The following KNTC1 variants were observed in gnomAD, a reference collection of about 807,000 sequenced individuals.
KNTC1 encodes the protein kinetochore-associated protein 1.
In KNTC1, 253 loss-of-function variants were observed where a neutral mutation model predicts 314.4. That is an observed-to-expected ratio of 0.80 (90% CI 0.73 to 0.89). The LOEUF (loss-of-function observed/expected upper bound fraction) is 0.89, where lower values mean the gene tolerates loss of function less well. KNTC1 is among the 40% of genes least tolerant of loss of function. The probability of loss-of-function intolerance (pLI) is 0.00; values close to 1 mark genes in which losing one functional copy is unlikely to be tolerated. For missense variants in KNTC1, 2,475 were observed against 2,572.9 expected (o/e 0.96, Z 0.82); for synonymous variants, 901 against 901.4 (o/e 1.00, Z 0.01).
At chr12:122,597,379 G>A (rs1295253317) in intron 43 of KNTC1, 1 of 260,206 alleles carries the variant, frequency 3.8e-6, no homozygotes, top group Admixed American at 5.0e-5. Context: ...TTCCCGAGTA[G>A]CTGGGACTAC....
intron 13 of KNTC1, 131 bp downstream of exon 13, chr12:122,549,995 T>C: frequency 7.1e-6 from 4 of 564,172 alleles, no homozygotes; most frequent in Non-Finnish European, 1.3e-5. Flanking sequence ...CTGGATAAAT[T>C]TCAGGTTTAT....
chr12:122,617,818 C>T (rs1443206008), intron 57 of KNTC1, among the ~76,000 whole-genome samples: 3 of 152,184 alleles, frequency 2.0e-5, no homozygotes, highest in Non-Finnish European at 4.4e-5. Flanking sequence ...CATTTAACAG[C>T]GGCCTCTAGA....
At chr12:122,590,240 T>C (rs1320798081) in intron 40 of KNTC1, among the ~76,000 whole-genome samples, 2 of 152,092 alleles carry the variant, frequency 1.3e-5, no homozygotes, top group Non-Finnish European at 2.9e-5. Context: ...TTTGTATATA[T>C]TTTTTGTATT....
At chr12:122,595,296 G>A (rs565966882) in intron 43 of KNTC1, among the ~76,000 whole-genome samples, 10 of 152,304 alleles carry the variant, frequency 6.6e-5, no homozygotes, top group African/African-American at 1.4e-4. Context: ...ACAAGGACTC[G>A]TTTTCTGGTT....
At chr12:122,597,341 C>T (rs531968253) in intron 43 of KNTC1, 10 of 212,860 alleles carry the variant, frequency 4.7e-5, no homozygotes, top group African/African-American at 9.4e-5. Context: ...CTCCACCTCC[C>T]GGGTTCAAGC....
At chr12:122,582,331 T>C (rs1395679722) in intron 33 of KNTC1, among the ~76,000 whole-genome samples, 1 of 152,082 alleles carries the variant, frequency 6.6e-6, no homozygotes, top group East Asian at 1.9e-4. Flanking sequence ...AGCAAGAAGA[T>C]GGTGTGAGAC....
chr12:122,539,769 A>T lies in KNTC1; in HGVS notation c.445+15A>T. ...TTCAAATGAAGGTAAGTTTTCCTGAATTTTTTTTTGAATGACTTTTTTTTT... is the reference window on the plus strand; with the variant it reads ...TTCAAATGAAGGTAAGTTTTCCTGATTTTTTTTTTGAATGACTTTTTTTTT... On this transcript the variant is annotated intron_variant, in intron 5 of 63. Transcript: ENST00000333479. 1 of 1,418,910 alleles carries T rather than the reference A, an allele frequency of 7.0e-7. No individual in the cohort carries two copies. Among genetic ancestry groups the T allele is most frequent in the Non-Finnish European group, 9.4e-7 (1 of 1,061,030 alleles). The allele number at this position is 1,418,910 out of a possible 1,614,324, so 87.9% of individuals were successfully genotyped here.
At chr12:122,605,492 C>A in intron 51 of KNTC1, 77 bp downstream of exon 51, 1 of 692,090 alleles carries the variant, frequency 1.4e-6, no homozygotes. Flanking sequence ...AATATTTATC[C>A]CACATGATAC....
At chr12:122,562,767 T>C in intron 20 of KNTC1, 68 bp downstream of exon 20, 1 of 942,004 alleles carries the variant, frequency 1.1e-6, no homozygotes. Flanking sequence ...CCCAGCACTT[T>C]GGGAGGCTGA....
intron 11 of KNTC1, 116 bp downstream of exon 11, chr12:122,547,646 C>A: frequency 1.4e-6 from 1 of 738,994 alleles, no homozygotes; most frequent in Non-Finnish European, 2.2e-6. Context: ...GTGAAACAGT[C>A]TGACAGAGTA....
chr12:122,583,682 C>T (rs1014345565), intron 34 of KNTC1, among the ~76,000 whole-genome samples: 7 of 151,962 alleles, frequency 4.6e-5, no homozygotes, highest in African/African-American at 1.5e-4. Flanking sequence ...AACTGTTAGT[C>T]GGGTGTGGTG....
At chr12:122,532,923 C>T (rs1218951635) in intron 2 of KNTC1, among the ~76,000 whole-genome samples, 1 of 152,134 alleles carries the variant, frequency 6.6e-6, no homozygotes, top group African/African-American at 2.4e-5. Flanking sequence ...CCTTAAGAAA[C>T]TATGTGTGAG....
chr12:122,616,648 A>G (rs1167946482), intron 57 of KNTC1, among the ~76,000 whole-genome samples: 1 of 152,230 alleles, frequency 6.6e-6, no homozygotes, highest in Non-Finnish European at 1.5e-5. Context: ...ATGCAATCAC[A>G]TTCTAAACAA....
intron 16 of KNTC1, 46 bp downstream of exon 16, chr12:122,551,742 A>G (rs755485936): frequency 7.2e-7 from 1 of 1,385,984 alleles, no homozygotes; most frequent in Non-Finnish European, 1.0e-6. Flanking sequence ...GCATTTCGTC[A>G]TGGGCTAGAG....
intron 50 of KNTC1, 87 bp from the exon 51 acceptor site, chr12:122,605,217 GTA>G: frequency 1.9e-6 from 2 of 1,044,152 alleles, no homozygotes; most frequent in Non-Finnish European, 2.8e-6. Context: ...ATATGTGTAT[GTA>G]TGTGCATATA....
intron 51 of KNTC1, chr12:122,609,051 C>T (rs1872832708): frequency 4.0e-6 from 1 of 250,970 alleles, no homozygotes; most frequent in Non-Finnish European, 7.6e-6. Flanking sequence ...AGAGCAAGAT[C>T]CTGTCTCCAA....
Position 122,609,292 on chromosome 12 carries a change from G to C in KNTC1, c.5497-92G>C, listed in dbSNP as rs878967291. 1.3e-5 allele frequency: 10 copies of C among 779,516 alleles called. No individual in the cohort carries two copies. In the South Asian group the frequency reaches 1.6e-4, roughly 13 times the overall value. 48.3% of individuals were successfully genotyped at this position (779,516 alleles called of 1,614,324 possible). A position where few individuals can be genotyped will look rare whatever the true frequency, so the allele number is the denominator to read the frequency against. Reference sequence around the variant, plus strand: ...AATGTAAACATAATATCGTATATTAGGTTTTTTATCTAATAGATTTTCAGA... The same window carrying C: ...AATGTAAACATAATATCGTATATTACGTTTTTTATCTAATAGATTTTCAGA... On this transcript the variant is annotated intron_variant, in intron 51 of 63. Transcript: ENST00000333479.
intron 8 of KNTC1, among the ~76,000 whole-genome samples, chr12:122,544,696 G>A (rs1335227758): frequency 6.6e-6 from 1 of 152,096 alleles, no homozygotes; most frequent in African/African-American, 2.4e-5. Context: ...ATACTCACAG[G>A]GACTGCTGAT....
In KNTC1 at chr12:122,626,136, A is replaced by G. The variant is rs143226362; in HGVS notation, c.6607-69A>G. 177 of 1,084,790 alleles carry G rather than the reference A, an allele frequency of 1.6e-4. No individual in the cohort carries two copies. The African/African-American group carries it at 2.5e-3, about 15-fold the overall frequency. 67.2% of individuals were successfully genotyped at this position (1,084,790 alleles called of 1,614,324 possible). On this transcript the variant is annotated intron_variant, in intron 63 of 63. Transcript: ENST00000333479. Reference sequence around the variant, plus strand: ...TCACTTCACTTAAGTTCTGTAGTTTATCTGACCATTTTCAATTTGAAAAAC... The same window carrying G: ...TCACTTCACTTAAGTTCTGTAGTTTGTCTGACCATTTTCAATTTGAAAAAC...
Sources: gnomAD v4.1 joint callset for allele counts (sites outside exome capture counted in the v4.1 genomes callset) on GRCh38, gnomAD v4.1.1 for gene constraint, MANE v1.5 for transcripts, NCBI Gene and HGNC (gene_info 2026-07-23, HGNC 2026-07-21) for gene names.